Variants in FLT1 observed in about 807,000 individuals in gnomAD.
The protein encoded by FLT1 is fms related receptor tyrosine kinase 1, also known as vascular endothelial growth factor receptor 1.
In FLT1, 49 loss-of-function variants were observed where a neutral mutation model predicts 156.3. The observed-to-expected ratio is 0.31, with a 90% CI of 0.25 to 0.40. The LOEUF is 0.40. Among genes scored for constraint, FLT1 ranks in the 10% least tolerant of loss-of-function variants. FLT1 has a pLI of 1.00. For missense variants in FLT1, 1,322 were observed against 1,637.2 expected (o/e 0.81, Z 3.32); for synonymous variants, 594 against 583.8 (o/e 1.02, Z -0.25).
At chr13:28,463,522 A>G (rs1433029931) in intron 3 of FLT1, among the ~76,000 whole-genome samples, 1 of 152,260 alleles carries the variant, frequency 6.6e-6, no homozygotes, top group African/African-American at 2.4e-5. Flanking sequence ...AGAGAAAAAT[A>G]AAATGAAATC....
chr13:28,459,707 G>C (rs769529957), intron 3 of FLT1, among the ~76,000 whole-genome samples: 29 of 152,188 alleles, frequency 1.9e-4, no homozygotes, highest in Non-Finnish European at 3.8e-4. Context: ...AATGTAAACT[G>C]TTTTTGCCTA....
Position 28,422,104 on chromosome 13 carries a change from G to T in FLT1, c.1436+5055C>A, listed in dbSNP as rs1356112603. Among the ~76,000 whole-genome samples the T allele has an allele frequency of 2.0e-5, 3 of 152,236 alleles. No homozygotes were observed. In the East Asian group the frequency reaches 5.8e-4, roughly 29 times the overall value. The stretch of plus-strand genomic sequence containing the variant: ...GTATTACCTTTATGTTTTACACGTG[G>T]TTGGTGCCTAATAAATATTTGTGTG... On this transcript the variant is annotated intron_variant, in intron 10 of 29. Coordinates refer to ENST00000282397, the MANE Select transcript of FLT1 (RefSeq NM_002019.4).
At chr13:28,433,662 G>A (rs746069905) in intron 6 of FLT1, among the ~76,000 whole-genome samples, 157 bp downstream of exon 6, 2 of 152,122 alleles carry the variant, frequency 1.3e-5, no homozygotes, top group Non-Finnish European at 2.9e-5. Context: ...GAAATGCCAG[G>A]CAAAGAAAGC....
chr13:28,345,961 T>TA (rs575637976), intron 15 of FLT1: 19,987 of 123,186 alleles, frequency 0.16, 1,392 homozygotes, highest in Non-Finnish European at 0.18. Context: ...GAGGAAATTC[T>TA]AAAAAAAAAA....
intron 16 of FLT1, among the ~76,000 whole-genome samples, chr13:28,342,130 G>A (rs750626215): frequency 2.6e-5 from 4 of 152,036 alleles, no homozygotes; most frequent in South Asian, 2.1e-4. Flanking sequence ...TGATCTGCCC[G>A]CCTCGGCCTC....
chr13:28,341,976 G>A (rs541758342), intron 16 of FLT1, among the ~76,000 whole-genome samples: 49 of 152,150 alleles, frequency 3.2e-4, no homozygotes, highest in African/African-American at 9.4e-4. Context: ...TCTGCCTCCC[G>A]GGTTCATGCG....
At chr13:28,371,950 T>C (rs578047554) in intron 14 of FLT1, among the ~76,000 whole-genome samples, 12 of 150,778 alleles carry the variant, frequency 8.0e-5, no homozygotes, top group African/African-American at 2.9e-4. Flanking sequence ...CCCTGTTTTG[T>C]TCCCAGCACC....
Position 28,345,796 on chromosome 13 carries a change from A to G in FLT1, c.2249-245T>C, listed in dbSNP as rs969788981. On this transcript the variant is annotated intron_variant, in intron 15 of 29. Coordinates refer to ENST00000282397, the MANE Select transcript of FLT1 (RefSeq NM_002019.4). Reference sequence around the variant, plus strand: ...TGAACTCACATAGAAAAGGCTTTCCAGAAATTTTGCTGTCAAGTTTGCAAA... The same window carrying G: ...TGAACTCACATAGAAAAGGCTTTCCGGAAATTTTGCTGTCAAGTTTGCAAA... The G allele has an allele frequency of 7.5e-6, 3 of 399,856 alleles. 1 individual carries two copies. The highest frequency in any genetic ancestry group is 8.3e-5 in the South Asian group (2 of 24,086). The allele number at this position is 399,856 out of a possible 1,614,324, so 24.8% of individuals were successfully genotyped here.
At chr13:28,403,371 C>T (rs983594276) in intron 11 of FLT1, among the ~76,000 whole-genome samples, 104 of 152,232 alleles carry the variant, frequency 6.8e-4, no homozygotes, top group African/African-American at 2.3e-3. Flanking sequence ...AATCTTGGGA[C>T]GTTCTTTTAT....
At chr13:28,386,859 A>G (rs1366069540) in intron 13 of FLT1, 7 of 1,048,824 alleles carry the variant, frequency 6.7e-6, no homozygotes, top group African/African-American at 1.7e-5. Context: ...CTCAGACCCA[A>G]TTCACTGAGT....
chr13:28,399,429 G>A (rs1336550826), intron 11 of FLT1, among the ~76,000 whole-genome samples: 2 of 152,162 alleles, frequency 1.3e-5, no homozygotes, highest in African/African-American at 2.4e-5. Flanking sequence ...GCATCTATGA[G>A]TCATGTTTGG....
At chr13:28,313,888 T>TG (rs1566280712) in intron 25 of FLT1, among the ~76,000 whole-genome samples, 1 of 70,600 alleles carries the variant, frequency 1.4e-5, no homozygotes. Context: ...TACAGGGAGG[T>TG]AAAAAAAAAA....
chr13:28,404,053 AAAAAGAAAG>A (rs1010174973), intron 11 of FLT1, among the ~76,000 whole-genome samples: 9 of 151,316 alleles, frequency 5.9e-5, no homozygotes, highest in East Asian at 1.9e-4. Flanking sequence ...CAAAAAAAAA[AAAAAGAAAG>A]AAAGAAAGAA....
At chr13:28,411,959 A>G (rs1441280660) in intron 10 of FLT1, among the ~76,000 whole-genome samples, 1 of 152,214 alleles carries the variant, frequency 6.6e-6, no homozygotes, top group Non-Finnish European at 1.5e-5. Flanking sequence ...TATCTGTTTA[A>G]TGAGATTGTA....
At chr13:28,441,228 G>A (rs1371847350) in intron 3 of FLT1, among the ~76,000 whole-genome samples, 2 of 152,206 alleles carry the variant, frequency 1.3e-5, no homozygotes, top group East Asian at 3.8e-4. Flanking sequence ...AGTAAACACA[G>A]TGCGCATGTG....
chr13:28,493,857 G>A (rs1008425634), intron 1 of FLT1, among the ~76,000 whole-genome samples: 2 of 152,248 alleles, frequency 1.3e-5, no homozygotes, highest in East Asian at 3.9e-4. Context: ...GGCTGACTTA[G>A]GTGGCGGGCG....
chr13:28,422,297 C>T (rs1877054568), intron 10 of FLT1, among the ~76,000 whole-genome samples: 1 of 113,854 alleles, frequency 8.8e-6, no homozygotes, highest in Non-Finnish European at 1.8e-5. Context: ...CACAAAGAAC[C>T]CGATGTTACC....
intron 24 of FLT1, among the ~76,000 whole-genome samples, chr13:28,318,546 A>G (rs778195645): frequency 2.2e-4 from 34 of 152,140 alleles, no homozygotes; most frequent in African/African-American, 8.2e-4. Flanking sequence ...TGCTGGTAGG[A>G]AGCAGCTGGG....
intron 14 of FLT1, among the ~76,000 whole-genome samples, chr13:28,380,416 A>C (rs1212440967): frequency 6.6e-6 from 1 of 152,232 alleles, no homozygotes; most frequent in Admixed American, 6.5e-5. Context: ...GGAACTTTAC[A>C]GAAACTATAT....
Sources: allele counts gnomAD v4.1 joint callset (sites outside exome capture counted in the v4.1 genomes callset), GRCh38; gene constraint gnomAD v4.1.1; transcripts MANE v1.5; gene names NCBI Gene and HGNC (gene_info 2026-07-23, HGNC 2026-07-21).